Variants in NUDCD1 observed in about 807,000 individuals in gnomAD.
NUDCD1 encodes nudC domain-containing protein 1.
In NUDCD1, 60 loss-of-function variants were observed where a neutral mutation model predicts 67.8. That is an observed-to-expected ratio of 0.88 (90% CI 0.72 to 1.10). The LOEUF (loss-of-function observed/expected upper bound fraction) is 1.10, where lower values mean the gene tolerates loss of function less well. NUDCD1 is among the 50% of genes least tolerant of loss of function. The pLI is 0.00. For synonymous variants in NUDCD1, 244 were observed against 230.8 expected, an observed-to-expected ratio of 1.06 and a Z score of -0.52; for missense variants, 643 against 695.0, an observed-to-expected ratio of 0.93 and a Z score of 0.84.
At chr8:109,301,077 T>C (rs1370838916) in intron 2 of NUDCD1, among the ~76,000 whole-genome samples, 1 of 152,206 alleles carries the variant, frequency 6.6e-6, no homozygotes, top group Non-Finnish European at 1.5e-5. Context: ...ACCAAGCCAC[T>C]GTCAGGTCTC....
chr8:109,320,341 C>T (rs1233243412), intron 2 of NUDCD1, among the ~76,000 whole-genome samples: 4 of 152,196 alleles, frequency 2.6e-5, no homozygotes. Context: ...CCCCCAGGTG[C>T]ACATTCTCTT....
At chr8:109,300,193 C>A (rs1273228787) in intron 2 of NUDCD1, among the ~76,000 whole-genome samples, 1 of 152,112 alleles carries the variant, frequency 6.6e-6, no homozygotes. Context: ...AAACAAGGTT[C>A]TTTAACACCC....
chr8:109,262,716 G>T (rs531765991), intron 8 of NUDCD1, among the ~76,000 whole-genome samples: 2 of 152,210 alleles, frequency 1.3e-5, no homozygotes, highest in South Asian at 4.2e-4. Flanking sequence ...TCATTCATTT[G>T]CATAAACGGA....
At chr8:109,265,109 T>C (rs1383586320) in intron 8 of NUDCD1, among the ~76,000 whole-genome samples, 1 of 152,070 alleles carries the variant, frequency 6.6e-6, no homozygotes, top group Non-Finnish European at 1.5e-5. Context: ...ATTGCAAGGA[T>C]AATGTTTAAC....
intron 2 of NUDCD1, among the ~76,000 whole-genome samples, chr8:109,304,930 C>T (rs1815069298): frequency 6.6e-6 from 1 of 152,164 alleles, no homozygotes; most frequent in Non-Finnish European, 1.5e-5. Flanking sequence ...GTTCTTGGAC[C>T]AAGGAAAATA....
At chr8:109,329,753 T>A in intron 1 of NUDCD1, 4 of 1,490,570 alleles carry the variant, frequency 2.7e-6, no homozygotes, top group Non-Finnish European at 3.6e-6. Flanking sequence ...TATTGTCAAT[T>A]ATGTCTTCAT....
chr8:109,328,440 G>A (rs959423633), intron 1 of NUDCD1, among the ~76,000 whole-genome samples: 2 of 152,156 alleles, frequency 1.3e-5, no homozygotes, highest in Non-Finnish European at 2.9e-5. Flanking sequence ...GAGATGCAGA[G>A]AGAAGCCCAG....
rs1269580902 is a variant in NUDCD1, at chr8:109,260,089, C to T, written c.1299+10916G>A. Among the ~76,000 whole-genome samples the T allele has an allele frequency of 5.3e-5, 8 of 152,278 alleles. No individual in the cohort carries two copies. The East Asian group carries it at 1.4e-3, about 26-fold the overall frequency. On this transcript the variant is annotated intron_variant, in intron 8 of 9. Coordinates refer to ENST00000239690, the MANE Select transcript of NUDCD1 (RefSeq NM_032869.4). ...TAAACATTACTCAAATACATAAACACTTAAAGCTGTCATTAAAGTGAGAAA... is the reference window on the plus strand; with the variant it reads ...TAAACATTACTCAAATACATAAACATTTAAAGCTGTCATTAAAGTGAGAAA...
At chr8:109,321,848 A>T (rs1457483978) in intron 2 of NUDCD1, among the ~76,000 whole-genome samples, 3 of 152,194 alleles carry the variant, frequency 2.0e-5, no homozygotes, top group Non-Finnish European at 4.4e-5. Flanking sequence ...AGATTTCAAG[A>T]CAAAAAATAT....
intron 8 of NUDCD1, among the ~76,000 whole-genome samples, chr8:109,247,787 T>C (rs752953632): frequency 5.7e-4 from 87 of 152,356 alleles, no homozygotes; most frequent in Non-Finnish European, 1.2e-3. Flanking sequence ...GCTTGAATTC[T>C]GAGAACTCCA....
At chr8:109,316,291 T>G (rs926916329) in intron 2 of NUDCD1, 1 of 152,180 alleles carries the variant, frequency 6.6e-6, no homozygotes, top group Non-Finnish European at 1.5e-5. Flanking sequence ...CAAGTTAAAC[T>G]TTTTTGTAAG....
chr8:109,264,019 G>C (rs1487679281), intron 8 of NUDCD1, among the ~76,000 whole-genome samples: 2 of 152,094 alleles, frequency 1.3e-5, no homozygotes, highest in African/African-American at 2.4e-5. Context: ...ATTAAATCTT[G>C]ACTCTTGAGT....
intron 5 of NUDCD1, among the ~76,000 whole-genome samples, chr8:109,288,020 T>G (rs188363289): frequency 6.6e-6 from 1 of 152,312 alleles, no homozygotes; most frequent in East Asian, 1.9e-4. Context: ...AATACCAGTC[T>G]TCTTGAAGTT....
intron 2 of NUDCD1, among the ~76,000 whole-genome samples, chr8:109,319,127 C>T (rs568197995): frequency 6.6e-6 from 1 of 152,118 alleles, no homozygotes; most frequent in African/African-American, 2.4e-5. Context: ...GGACCTGCCA[C>T]CACGCCTGGC....
At chr8:109,332,401 T>G (rs1187213404) in intron 1 of NUDCD1, among the ~76,000 whole-genome samples, 2 of 152,162 alleles carry the variant, frequency 1.3e-5, no homozygotes, top group African/African-American at 4.8e-5. Context: ...CTGGCACAAG[T>G]GTCTCTTGGT....
In NUDCD1 at chr8:109,242,913, G is replaced by T; in HGVS notation, c.*96C>A. The T allele has an allele frequency of 1.5e-6, 1 of 649,354 alleles. No individual in the cohort carries two copies. Among genetic ancestry groups the T allele is most frequent in the Non-Finnish European group, 2.6e-6 (1 of 383,612 alleles). 40.2% of individuals were successfully genotyped at this position (649,354 alleles called of 1,614,324 possible). A position where few individuals can be genotyped will look rare whatever the true frequency, so the allele number is the denominator to read the frequency against. ...TAAAAAATCATACAAGATATATTTA[G>T]CACATTAAAACTTAAGAGGTTACAG... On this transcript the variant is annotated 3_prime_UTR_variant, in exon 10 of 10. Coordinates refer to ENST00000239690, the MANE Select transcript of NUDCD1 (RefSeq NM_032869.4).
chr8:109,250,971 C>T lies in NUDCD1; in HGVS notation c.1300-5490G>A, dbSNP rs550142752. ...TAATGTCTTTGGTATCAGGGTAATG[C>T]TAGCCTCATAAAGTAAGTTGGAAAG... On this transcript the variant is annotated intron_variant, in intron 8 of 9. Coordinates refer to ENST00000239690, the MANE Select transcript of NUDCD1 (RefSeq NM_032869.4). 4.6e-5 allele frequency among the ~76,000 whole-genome samples: 7 copies of T among 152,178 alleles called. No individual in the cohort carries two copies. The East Asian group carries it at 1.3e-3, about 29-fold the overall frequency.
chr8:109,330,969 G>A (rs1815791366), intron 1 of NUDCD1, among the ~76,000 whole-genome samples: 1 of 152,000 alleles, frequency 6.6e-6, no homozygotes, highest in South Asian at 2.1e-4. Context: ...GGGTTGACGG[G>A]TGCAGCAAAC....
intron 1 of NUDCD1, 146 bp downstream of exon 1, chr8:109,333,747 C>G: frequency 1.2e-6 from 1 of 856,544 alleles, no homozygotes; most frequent in Admixed American, 2.3e-5. Flanking sequence ...CATCATTCCC[C>G]AGAAGCAGCG....
Sources: gnomAD v4.1 joint callset for allele counts (sites outside exome capture counted in the v4.1 genomes callset) on GRCh38, gnomAD v4.1.1 for gene constraint, MANE v1.5 for transcripts, NCBI Gene and HGNC (gene_info 2026-07-23, HGNC 2026-07-21) for gene names.